The following IL1RAPL1 variants were observed in gnomAD, a reference collection of about 807,000 sequenced individuals.
IL1RAPL1 encodes the protein interleukin-1 receptor accessory protein-like 1.
Under a neutral mutation model 48.4 loss-of-function variants are expected in IL1RAPL1, and 3 were observed. The ratio of observed to expected loss-of-function variants is 0.06; its 90% CI spans 0.03 to 0.16. IL1RAPL1 has a LOEUF of 0.16. Among genes scored for constraint, IL1RAPL1 ranks in the 10% least tolerant of loss-of-function variants. IL1RAPL1 has a pLI of 1.00. For synonymous variants in IL1RAPL1, 185 were observed against 187.7 expected, an observed-to-expected ratio of 0.99 and a Z score of 0.12; for missense variants, 349 against 530.6, an observed-to-expected ratio of 0.66 and a Z score of 3.36.
At chrX:29,211,411 C>A (rs913684903) in intron 2 of IL1RAPL1, among the ~76,000 whole-genome samples, 1 of 111,562 alleles carries the variant, frequency 9.0e-6, no homozygotes, top group African/African-American at 3.3e-5. Context: ...AAGTAGGTGA[C>A]CATAAAATGT....
At chrX:28,993,617 G>A (rs949060071) in intron 2 of IL1RAPL1, among the ~76,000 whole-genome samples, 1 of 112,142 alleles carries the variant, frequency 8.9e-6, no homozygotes, top group Non-Finnish European at 1.9e-5. Flanking sequence ...TGAAGTAGGA[G>A]GTTGTCAAAT....
At chrX:29,717,970 A>G (rs890082005) in intron 6 of IL1RAPL1, among the ~76,000 whole-genome samples, 1 of 111,962 alleles carries the variant, frequency 8.9e-6, no homozygotes, top group Non-Finnish European at 1.9e-5. Flanking sequence ...TTTGGGAAAT[A>G]CCAAGCTAGT....
intron 5 of IL1RAPL1, among the ~76,000 whole-genome samples, chrX:29,563,205 A>T (rs2340365): frequency 1.4e-5 from 1 of 69,022 alleles, no homozygotes; most frequent in African/African-American, 4.2e-5. Context: ...TAATGTTCTC[A>T]TGTGCAGTTT....
chrX:29,626,670 A>G (rs1353017542), intron 5 of IL1RAPL1, among the ~76,000 whole-genome samples: 1 of 112,163 alleles, frequency 8.9e-6, no homozygotes, highest in African/African-American at 3.2e-5. Flanking sequence ...AATGAAACAC[A>G]CACAGAGAGA....
At chrX:29,853,975 C>A (rs954070867) in intron 6 of IL1RAPL1, among the ~76,000 whole-genome samples, 1 of 111,998 alleles carries the variant, frequency 8.9e-6, no homozygotes, top group African/African-American at 3.2e-5. Flanking sequence ...AAGTGACTAA[C>A]GTATTTTGTT....
intron 2 of IL1RAPL1, among the ~76,000 whole-genome samples, chrX:29,117,046 C>T (rs1269177400): frequency 9.0e-6 from 1 of 111,195 alleles, no homozygotes; most frequent in Non-Finnish European, 1.9e-5. Context: ...GATGCAGAAG[C>T]ACTAAGATGA....
chrX:28,916,793 C>T (rs957874289), intron 2 of IL1RAPL1, among the ~76,000 whole-genome samples: 8 of 112,205 alleles, frequency 7.1e-5, no homozygotes, highest in Non-Finnish European at 1.3e-4. Flanking sequence ...GTTTTAAGAT[C>T]GATCTTGTCA....
At chrX:28,773,065 C>CTT (rs1328465518) in intron 1 of IL1RAPL1, among the ~76,000 whole-genome samples, 2 of 105,671 alleles carry the variant, frequency 1.9e-5, no homozygotes, top group Admixed American at 9.9e-5. Flanking sequence ...TATAATATCT[C>CTT]TCTCTCTCTC....
In IL1RAPL1 at chrX:29,002,130, G is replaced by A. The variant is rs573432549; in HGVS notation, c.82+212705G>A. Among the ~76,000 whole-genome samples the A allele has an allele frequency of 2.1e-4, 23 of 109,527 alleles. No homozygotes were observed. The South Asian group carries it at 8.0e-3, about 38-fold the overall frequency. The stretch of plus-strand genomic sequence containing the variant: ...TTGGCCATGCTGCTCTCGAACTCCT[G>A]ACCTTGTGATCTGCCCACCTTAGCC... On this transcript the variant is annotated intron_variant, in intron 2 of 10. Coordinates refer to ENST00000378993, the MANE Select transcript of IL1RAPL1 (RefSeq NM_014271.4).
At position 29,037,872 on chromosome X, in the gene IL1RAPL1, G is replaced by C. The variant is rs1472453650; in HGVS notation, c.83-245066G>C. Reference sequence around the variant, plus strand: ...CTTCTTGTTAAGAAGACACAATTAGGTCAGTTTTCAATGATCCAATATGGA... The same window carrying C: ...CTTCTTGTTAAGAAGACACAATTAGCTCAGTTTTCAATGATCCAATATGGA... On this transcript the variant is annotated intron_variant, in intron 2 of 10. Coordinates refer to ENST00000378993, the MANE Select transcript of IL1RAPL1 (RefSeq NM_014271.4). Among the ~76,000 whole-genome samples, 6 of 111,642 alleles carry C rather than the reference G, an allele frequency of 5.4e-5. No homozygotes were observed. The Admixed American group carries it at 5.7e-4, about 11-fold the overall frequency.
At chrX:29,641,041 C>T (rs1047172032) in intron 5 of IL1RAPL1, among the ~76,000 whole-genome samples, 2 of 111,341 alleles carry the variant, frequency 1.8e-5, no homozygotes, top group African/African-American at 6.5e-5. Flanking sequence ...CATGGTGGTA[C>T]GCATCTGTAG....
intron 2 of IL1RAPL1, among the ~76,000 whole-genome samples, chrX:29,046,216 T>TA (rs60842211): frequency 0.086 from 8,831 of 102,324 alleles, 996 homozygotes; most frequent in African/African-American, 0.3. Flanking sequence ...ACTAGCTAAT[T>TA]AAAAAAAAAA....
At chrX:28,807,766 GT>G (rs1936748908) in intron 2 of IL1RAPL1, among the ~76,000 whole-genome samples, 1 of 111,129 alleles carries the variant, frequency 9.0e-6, no homozygotes, top group Non-Finnish European at 1.9e-5. Flanking sequence ...TTGATTTTTA[GT>G]TTATAGTCTT....
At chrX:28,649,437 A>G (rs1226109166) in intron 1 of IL1RAPL1, among the ~76,000 whole-genome samples, 1 of 112,428 alleles carries the variant, frequency 8.9e-6, no homozygotes, top group African/African-American at 3.2e-5. Flanking sequence ...GTTACATTCT[A>G]AAATAAATTG....
At chrX:29,585,380 T>A (rs1923120091) in intron 5 of IL1RAPL1, among the ~76,000 whole-genome samples, 1 of 112,385 alleles carries the variant, frequency 8.9e-6, no homozygotes, top group Non-Finnish European at 1.9e-5. Flanking sequence ...TTCCTTCTTT[T>A]TAAAAGGTGT....
At chrX:29,105,975 T>A (rs914490575) in intron 2 of IL1RAPL1, among the ~76,000 whole-genome samples, 2 of 112,241 alleles carry the variant, frequency 1.8e-5, no homozygotes, top group African/African-American at 6.5e-5. Context: ...CTAGAATATG[T>A]TTCATTAATC....
chrX:29,477,930 A>G (rs1198061485), intron 5 of IL1RAPL1, among the ~76,000 whole-genome samples: 3 of 112,502 alleles, frequency 2.7e-5, no homozygotes, highest in East Asian at 2.8e-4. Context: ...CAGCAAACCA[A>G]AAGAACAAAC....
intron 4 of IL1RAPL1, 87 bp from the exon 5 acceptor site, chrX:29,399,068 T>G: frequency 2.7e-6 from 2 of 739,808 alleles, no homozygotes. Context: ...AAATGCAATT[T>G]TAGAAGCTTT....
intron 2 of IL1RAPL1, among the ~76,000 whole-genome samples, chrX:29,118,346 A>C (rs907096178): frequency 4.5e-5 from 5 of 111,789 alleles, no homozygotes; most frequent in African/African-American, 1.6e-4. Context: ...GGTTATTCCT[A>C]TTTTACAGAA....
Sources: allele counts gnomAD v4.1 joint callset (sites outside exome capture counted in the v4.1 genomes callset), GRCh38; gene constraint gnomAD v4.1.1; transcripts MANE v1.5; gene names NCBI Gene and HGNC (gene_info 2026-07-23, HGNC 2026-07-21).